Variants in CACNB4 observed in about 807,000 individuals in gnomAD.
The protein encoded by CACNB4 is voltage-dependent L-type calcium channel subunit beta-4.
In CACNB4, 32 loss-of-function variants were observed where a neutral mutation model predicts 71.2. That is an observed-to-expected ratio of 0.45 (90% confidence interval 0.34 to 0.60). The LOEUF (loss-of-function observed/expected upper bound fraction) is 0.60, where lower values mean the gene tolerates loss of function less well. Among genes scored for constraint, CACNB4 ranks in the 20% least tolerant of loss-of-function variants. The probability of loss-of-function intolerance (pLI) is 0.01; values close to 1 mark genes in which losing one functional copy is unlikely to be tolerated. For missense variants in CACNB4, 464 were observed against 647.9 expected (o/e 0.72, Z 3.08); for synonymous variants, 231 against 236.9 (o/e 0.97, Z 0.23).
intron 2 of CACNB4, chr2:151,970,008 T>C (rs1042427004): frequency 6.6e-6 from 1 of 152,192 alleles, no homozygotes; most frequent in African/African-American, 2.4e-5. Context: ...CTAAATGCTT[T>C]AGAATTTAAG....
chr2:152,020,017 G>A (rs558670430), intron 2 of CACNB4, among the ~76,000 whole-genome samples: 1 of 152,260 alleles, frequency 6.6e-6, no homozygotes, highest in East Asian at 1.9e-4. Context: ...AAAACTCAAG[G>A]AAAAACCACT....
intron 2 of CACNB4, among the ~76,000 whole-genome samples, chr2:151,914,366 C>T (rs946162028): frequency 6.6e-6 from 1 of 152,090 alleles, no homozygotes; most frequent in African/African-American, 2.4e-5. Context: ...TTAGCAGTTC[C>T]TCTTACCTTT....
chr2:151,967,079 A>T (rs2151716009), intron 2 of CACNB4: 1 of 119,788 alleles, frequency 8.3e-6, no homozygotes, highest in South Asian at 2.6e-4. Context: ...ACAGGGTCTC[A>T]TTCTGTCACC....
chr2:151,969,148 C>T (rs556204766), intron 2 of CACNB4: 1 of 152,314 alleles, frequency 6.6e-6, no homozygotes, highest in South Asian at 2.1e-4. Context: ...CCAGGAGCAA[C>T]ATTTGGTTTT....
intron 2 of CACNB4, among the ~76,000 whole-genome samples, chr2:151,958,156 T>C (rs1312658205): frequency 6.6e-6 from 1 of 152,188 alleles, no homozygotes; most frequent in Admixed American, 6.5e-5. Context: ...ATCTACCACA[T>C]ATAAGAAGTA....
intron 2 of CACNB4, among the ~76,000 whole-genome samples, chr2:151,959,854 C>T (rs992056489): frequency 1.3e-5 from 2 of 152,074 alleles, no homozygotes; most frequent in African/African-American, 4.8e-5. Context: ...GCATAATTTG[C>T]ATAGTTCTTT....
intron 2 of CACNB4, among the ~76,000 whole-genome samples, chr2:151,897,241 A>T (rs2099852315): frequency 6.6e-6 from 1 of 152,250 alleles, no homozygotes; most frequent in African/African-American, 2.4e-5. Context: ...ATTTCAAGCA[A>T]GAACATCTCT....
chr2:151,950,029 G>C (rs915961932), intron 2 of CACNB4, among the ~76,000 whole-genome samples: 1 of 151,706 alleles, frequency 6.6e-6, no homozygotes, highest in Non-Finnish European at 1.5e-5. Context: ...AACAGAGCAA[G>C]ACTCCATCTC....
At chr2:152,062,837 A>G (rs1686097431) in intron 2 of CACNB4, among the ~76,000 whole-genome samples, 1 of 152,244 alleles carries the variant, frequency 6.6e-6, no homozygotes, top group African/African-American at 2.4e-5. Flanking sequence ...AGAGCAGAAG[A>G]CAAGACATGA....
At chr2:151,855,034 A>G (rs2099839926) in intron 11 of CACNB4, 190 bp downstream of exon 11, 4 of 408,274 alleles carry the variant, frequency 9.8e-6, no homozygotes, top group Non-Finnish European at 4.3e-6. Context: ...AGTAGCTTTT[A>G]GAAGAAATGA....
chr2:151,869,313 G>A (rs945690460), intron 8 of CACNB4, 78 bp from the exon 9 acceptor site: 11 of 848,652 alleles, frequency 1.3e-5, no homozygotes, highest in Admixed American at 2.1e-5. Context: ...AGAGAGGAGG[G>A]AGGGAAGGGT....
chr2:152,098,579 C>CCCCCCCAGCA lies in CACNB4; in HGVS notation c.64-167_64-166insTGCTGGGGGG. Reference sequence around the variant, plus strand: ...CCCAAATACAGCCCCCACCCCCACCCACCCACTGCAAGCCTCGACTGCTGA... The same window carrying CCCCCCCAGCA: ...CCCAAATACAGCCCCCACCCCCACCCCCCCCCAGCAACCCACTGCAAGCCTCGACTGCTGA... On this transcript the variant is annotated intron_variant, in intron 1 of 13. Coordinates refer to ENST00000539935, the MANE Select transcript of CACNB4 (RefSeq NM_000726.5). The surrounding 1 kb of genome is among the most constrained non-coding windows in gnomAD (Gnocchi z 5.3). 2.1e-6 allele frequency: 2 copies of CCCCCCCAGCA among 943,712 alleles called. No homozygotes were observed. Among genetic ancestry groups the CCCCCCCAGCA allele is most frequent in the Non-Finnish European group, 3.4e-6 (2 of 591,324 alleles). 58.5% of individuals were successfully genotyped at this position (943,712 alleles called of 1,614,324 possible). A position where few individuals can be genotyped will look rare whatever the true frequency, so the allele number is the denominator to read the frequency against.
At chr2:151,958,555 C>G (rs189029030) in intron 2 of CACNB4, among the ~76,000 whole-genome samples, 5 of 152,114 alleles carry the variant, frequency 3.3e-5, no homozygotes, top group Non-Finnish European at 7.4e-5. Flanking sequence ...ACTGTCCAAC[C>G]GGTCAGTCAC....
At chr2:152,086,130 T>C (rs1687648431) in intron 2 of CACNB4, among the ~76,000 whole-genome samples, 1 of 152,204 alleles carries the variant, frequency 6.6e-6, no homozygotes, top group Admixed American at 6.5e-5. Context: ...AACAGTAATA[T>C]CCATGGTACA....
chr2:151,848,985 C>T (rs940123938), intron 12 of CACNB4, among the ~76,000 whole-genome samples: 13 of 151,998 alleles, frequency 8.6e-5, no homozygotes, highest in African/African-American at 2.9e-4. Flanking sequence ...AATGGCAATA[C>T]AAAATCAGGC....
chr2:151,943,315 T>A lies in CACNB4; in HGVS notation c.148-59945A>T, dbSNP rs114857901. Among the ~76,000 whole-genome samples the A allele has an allele frequency of 8.1e-3, 1,227 of 152,330 alleles. 13 individuals carry two copies. Among genetic ancestry groups the A allele is most frequent in the African/African-American group, 0.028 (1,162 of 41,568 alleles). On this transcript the variant is annotated intron_variant, in intron 2 of 13. Coordinates refer to ENST00000539935, the MANE Select transcript of CACNB4 (RefSeq NM_000726.5). Reference sequence around the variant, plus strand: ...CAATAGTGCTGCTGGTTCTGAAATGTGTTCTGCCCAAATTGTCATTATCAC... The same window carrying A: ...CAATAGTGCTGCTGGTTCTGAAATGAGTTCTGCCCAAATTGTCATTATCAC...
chr2:152,035,651 C>CTATATATATATA (rs1553818082), intron 2 of CACNB4, among the ~76,000 whole-genome samples: 2 of 118,034 alleles, frequency 1.7e-5, no homozygotes, highest in African/African-American at 7.3e-5. Flanking sequence ...CTCTCTCTCT[C>CTATATATATATA]TATATATATA....
intron 5 of CACNB4, chr2:151,874,836 T>C (rs1214576567): frequency 5.0e-6 from 2 of 396,428 alleles, no homozygotes; most frequent in East Asian, 7.2e-5. Flanking sequence ...TCTGTCAAGC[T>C]GTGCTTGTGT....
At chr2:151,976,851 A>G (rs2099873896) in intron 2 of CACNB4, among the ~76,000 whole-genome samples, 1 of 152,232 alleles carries the variant, frequency 6.6e-6, no homozygotes, top group South Asian at 2.1e-4. Context: ...GATCAGCTCC[A>G]GTCCCCAGCT....
Sources: gnomAD v4.1 joint callset for allele counts (sites outside exome capture counted in the v4.1 genomes callset) on GRCh38, gnomAD v4.1.1 for gene constraint, Gnocchi (gnomAD v3.1) non-coding constraint, MANE v1.5 for transcripts, NCBI Gene and HGNC (gene_info 2026-07-23, HGNC 2026-07-21) for gene names.